Variants in RBM17 observed in about 807,000 individuals in gnomAD.
The protein encoded by RBM17 is splicing factor 45.
A neutral mutation model predicts 53.2 loss-of-function variants in RBM17; 7 were observed. The observed-to-expected ratio is 0.13, with a 90% confidence interval of 0.07 to 0.25. The LOEUF (loss-of-function observed/expected upper bound fraction) is 0.25, where lower values mean the gene tolerates loss of function less well. Ranked by LOEUF, RBM17 falls within the 10% of genes least tolerant of loss-of-function variation. RBM17 has a pLI of 1.00. For missense variants in RBM17, 257 were observed against 496.7 expected, an observed-to-expected ratio of 0.52 and a Z score of 4.59; for synonymous variants, 167 against 178.1, an observed-to-expected ratio of 0.94 and a Z score of 0.50.
intron 7 of RBM17, among the ~76,000 whole-genome samples, chr10:6,111,214 G>T (rs888544708): frequency 1.2e-4 from 19 of 152,240 alleles, no homozygotes; most frequent in African/African-American, 4.3e-4. Flanking sequence ...TGGTCATGGG[G>T]TTGGGGTGCC....
chr10:6,105,263 T>C (rs75256238), intron 4 of RBM17, among the ~76,000 whole-genome samples, 166 bp downstream of exon 4: 2,010 of 152,354 alleles, frequency 0.013, 102 homozygotes, highest in East Asian at 0.094. Flanking sequence ...CTGTTACATC[T>C]CAGAATCACA....
intron 2 of RBM17, among the ~76,000 whole-genome samples, chr10:6,098,125 A>G (rs1453238674): frequency 1.3e-5 from 2 of 152,176 alleles, no homozygotes; most frequent in Admixed American, 6.5e-5. Flanking sequence ...TGAGAATGGT[A>G]TTATGGTTTG....
chr10:6,113,632 C>A, intron 9 of RBM17, 51 bp downstream of exon 9: 1 of 1,210,380 alleles, frequency 8.3e-7, no homozygotes, highest in South Asian at 1.2e-5. Context: ...TTGTGTGTGT[C>A]ACCCCAGCCT....
chr10:6,098,287 G>A (rs1004876157), intron 2 of RBM17, among the ~76,000 whole-genome samples: 4 of 152,092 alleles, frequency 2.6e-5, no homozygotes, highest in East Asian at 1.9e-4. Context: ...TTTCATGTGC[G>A]GGAGAAAATT....
chr10:6,113,060 G>T (rs1364451391), intron 8 of RBM17: 1 of 176,828 alleles, frequency 5.7e-6, no homozygotes, highest in Non-Finnish European at 1.2e-5. Flanking sequence ...TACATCACGA[G>T]CCTGACAGGT....
chr10:6,095,022 C>T, intron 1 of RBM17, among the ~76,000 whole-genome samples: 1 of 152,110 alleles, frequency 6.6e-6, no homozygotes, highest in East Asian at 1.9e-4. Context: ...GGGATTCCCT[C>T]CAAGACTTTG....
intron 3 of RBM17, among the ~76,000 whole-genome samples, chr10:6,103,316 C>A (rs1475078222): frequency 2.6e-5 from 4 of 152,130 alleles, no homozygotes; most frequent in African/African-American, 9.7e-5. Flanking sequence ...TTAAATTGAA[C>A]AAATCACTTT....
At chr10:6,096,220 G>A (rs75346610) in intron 1 of RBM17, among the ~76,000 whole-genome samples, 1,946 of 152,164 alleles carry the variant, frequency 0.013, 98 homozygotes, top group East Asian at 0.086. Flanking sequence ...TCACTGGCGA[G>A]GGCTCTGGAG....
rs71390124 is a variant in RBM17, at chr10:6,107,479, CTTTTTTT to C, written c.506-1192_506-1186del. Among the ~76,000 whole-genome samples the C allele has an allele frequency of 3.2e-4, 18 of 56,598 alleles. 2 individuals carry two copies. In the East Asian group the frequency reaches 4.4e-3, roughly 14 times the overall value. 37.1% of individuals were successfully genotyped at this position (56,598 alleles called of 152,430 possible). A position where few individuals can be genotyped will look rare whatever the true frequency, so the allele number is the denominator to read the frequency against. ...AGGTATGAGCCACTGCACCCGGCCT[CTTTTTTT>C]TTTTTTTTTTTTTTGGAGACACTCT... On this transcript the variant is annotated intron_variant, in intron 5 of 11. Transcript: ENST00000379888.
intron 5 of RBM17, 139 bp downstream of exon 5, chr10:6,106,377 C>T (rs1373362841): frequency 3.3e-6 from 2 of 614,400 alleles, no homozygotes; most frequent in Non-Finnish European, 5.8e-6. Context: ...CCCAGCAATA[C>T]ACATTTGCGT....
Position 6,101,705 on chromosome 10 carries a change from TCTTA to T in RBM17, c.240+323_240+326del, listed in dbSNP as rs371059077. On this transcript the variant is annotated intron_variant, in intron 3 of 11. Coordinates refer to ENST00000379888, the MANE Select transcript of RBM17 (RefSeq NM_032905.5). ...ACTCCACCTTCTGCTAACTTGCTTT[TCTTA>T]CTTAATACGTTGTGACTCTGTCAAA... Among the ~76,000 whole-genome samples the T allele has an allele frequency of 6.4e-3, 967 of 152,100 alleles. 6 individuals are homozygous for T. The highest frequency in any genetic ancestry group is 0.022 in the African/African-American group (920 of 41,524).
intron 1 of RBM17, among the ~76,000 whole-genome samples, chr10:6,096,368 G>A (rs906257488): frequency 3.9e-5 from 6 of 152,128 alleles, no homozygotes; most frequent in Admixed American, 6.5e-5. Flanking sequence ...CATGCTTTGC[G>A]CCTGCTGACT....
chr10:6,111,970 AT>A (rs894523598), intron 7 of RBM17, among the ~76,000 whole-genome samples: 4 of 152,148 alleles, frequency 2.6e-5, no homozygotes, highest in African/African-American at 7.2e-5. Context: ...AGAAACTGAC[AT>A]TTCCCCTCCA....
At chr10:6,111,345 T>G (rs968409916) in intron 7 of RBM17, among the ~76,000 whole-genome samples, 1 of 152,168 alleles carries the variant, frequency 6.6e-6, no homozygotes, top group Non-Finnish European at 1.5e-5. Flanking sequence ...TACAAATAAT[T>G]TATTTGTTTT....
intron 3 of RBM17, among the ~76,000 whole-genome samples, chr10:6,102,554 CTGCTA>C (rs1198384582): frequency 6.6e-6 from 1 of 152,128 alleles, no homozygotes; most frequent in East Asian, 1.9e-4. Context: ...TAGTTTATTC[CTGCTA>C]CATCTAATTT....
rs372801597 is a variant in RBM17 at position 6,108,751 on chromosome 10, A to G, written c.562+9A>G. ...AGAGAAAGACAAAGAGTGTAAGTAG[A>G]TCTGTTTCTTCCTCTTTTATTCTGA... is the stretch of plus-strand genomic sequence containing the variant. On this transcript the variant is annotated intron_variant, in intron 6 of 11. Coordinates refer to ENST00000379888, the MANE Select transcript of RBM17 (RefSeq NM_032905.5). 6.2e-7 allele frequency: 1 copy of G among 1,604,240 alleles called. No individual in the cohort carries two copies. Among genetic ancestry groups the G allele is most frequent in the African/African-American group, 1.3e-5 (1 of 74,612 alleles).
At chr10:6,107,378 A>G (rs1162066751) in intron 5 of RBM17, among the ~76,000 whole-genome samples, 2 of 150,072 alleles carry the variant, frequency 1.3e-5, no homozygotes, top group Non-Finnish European at 3.0e-5. Flanking sequence ...GGGTTTCACC[A>G]TGTTTGCCAG....
rs58815069 is a variant in RBM17 at position 6,115,968 on chromosome 10, G to A, written c.*412G>A. On this transcript the variant is annotated 3_prime_UTR_variant, in exon 12 of 12. Coordinates refer to ENST00000379888, the MANE Select transcript of RBM17 (RefSeq NM_032905.5). Reference sequence around the variant, plus strand: ...CTTTTTCTTTTAATAAAGCCTGCAAGTTACTAAATTGTAGTTTCATAAATT... The same window carrying A: ...CTTTTTCTTTTAATAAAGCCTGCAAATTACTAAATTGTAGTTTCATAAATT... 3.7e-3 allele frequency: 572 copies of A among 153,068 alleles called. 4 individuals carry two copies. The highest frequency in any genetic ancestry group is 0.013 in the African/African-American group (553 of 41,424). 9.5% of individuals were successfully genotyped at this position (153,068 alleles called of 1,614,324 possible). A position where few individuals can be genotyped will look rare whatever the true frequency, so the allele number is the denominator to read the frequency against.
At chr10:6,113,187 A>G in intron 8 of RBM17, 1 of 222,504 alleles carries the variant, frequency 4.5e-6, no homozygotes, top group East Asian at 1.2e-4. Context: ...GTTTGCTCCA[A>G]GTCAACTCAC....
Sources: allele counts gnomAD v4.1 joint callset (sites outside exome capture counted in the v4.1 genomes callset), GRCh38; gene constraint gnomAD v4.1.1; transcripts MANE v1.5; gene names NCBI Gene and HGNC (gene_info 2026-07-23, HGNC 2026-07-21).